Variants in MMP16 observed in about 807,000 individuals in gnomAD.
The protein encoded by MMP16 is matrix metalloproteinase-16.
In MMP16, 12 loss-of-function variants were observed where a neutral mutation model predicts 67.8. That is an observed-to-expected ratio of 0.18 (90% CI 0.11 to 0.29). The LOEUF is 0.29. Among genes scored for constraint, MMP16 ranks in the 10% least tolerant of loss-of-function variants. The pLI is 1.00. For synonymous variants in MMP16, 249 were observed against 255.9 expected, an observed-to-expected ratio of 0.97 and a Z score of 0.26; for missense variants, 475 against 765.7, an observed-to-expected ratio of 0.62 and a Z score of 4.48.
At chr8:88,203,072 C>T (rs1184500333) in intron 1 of MMP16, among the ~76,000 whole-genome samples, 2 of 150,696 alleles carry the variant, frequency 1.3e-5, no homozygotes, top group Admixed American at 6.6e-5. Flanking sequence ...CAAAATGTCC[C>T]ACTGAGATGA....
rs753339844 is a variant in MMP16 at position 88,167,677 on chromosome 8, T to C, written c.701A>G (p.Asn234Ser). ...SDEPWTLGNP[N>S]HDGNDLFLVA... ...AACAAACATGTACTTACCATCATGA[T>C]TAGGATTTCCTAGTGTCCATGGCTC... Residue 234 changes from asparagine to serine, a missense_variant, in exon 4 of 10, where the codon AAT becomes AGT. Around this residue, in one of 5 missense-constraint regions of MMP16, gnomAD observed 195 missense variants for 300.9 expected, o/e 0.65. Coordinates refer to ENST00000286614, the MANE Select transcript of MMP16 (RefSeq NM_005941.5). 6.2e-7 allele frequency: 1 copy of C among 1,608,628 alleles called. No homozygotes were observed. Among genetic ancestry groups the C allele is most frequent in the Non-Finnish European group, 8.5e-7 (1 of 1,177,004 alleles).
chr8:88,156,237 G>A (rs1296337356), intron 4 of MMP16, among the ~76,000 whole-genome samples: 1 of 151,814 alleles, frequency 6.6e-6, no homozygotes, highest in Admixed American at 6.6e-5. Context: ...TTAAAATCTG[G>A]AAAGCAAGCT....
intron 1 of MMP16, among the ~76,000 whole-genome samples, chr8:88,229,145 G>A (rs1009792487): frequency 2.6e-5 from 4 of 151,940 alleles, no homozygotes; most frequent in African/African-American, 9.7e-5. Context: ...AAATGCAAAG[G>A]AAGAAGATAA....
At chr8:88,318,198 T>G (rs2130081122) in intron 1 of MMP16, among the ~76,000 whole-genome samples, 1 of 152,310 alleles carries the variant, frequency 6.6e-6, no homozygotes, top group Non-Finnish European at 1.5e-5. Flanking sequence ...AACCAAATCT[T>G]CCTGAATACT....
chr8:88,325,156 GAAGA>G (rs978510311), intron 1 of MMP16, among the ~76,000 whole-genome samples: 9 of 152,062 alleles, frequency 5.9e-5, no homozygotes, highest in African/African-American at 1.7e-4. Flanking sequence ...ACATCTTAAT[GAAGA>G]AAGAGAAGGG....
At chr8:88,122,196 G>C (rs1479599611) in intron 4 of MMP16, among the ~76,000 whole-genome samples, 1 of 152,032 alleles carries the variant, frequency 6.6e-6, no homozygotes, top group African/African-American at 2.4e-5. Flanking sequence ...GTTTCCCCTA[G>C]TGTTGTAGCT....
chr8:88,116,410 C>CTGGGAAGGTA, intron 6 of MMP16, 97 bp downstream of exon 6: 1 of 1,041,592 alleles, frequency 9.6e-7, no homozygotes, highest in Non-Finnish European at 1.4e-6. Flanking sequence ...TGTGAGAGGG[C>CTGGGAAGGTA]TGGGAAGGTA....
chr8:88,104,850 A>G (rs1327835687), intron 6 of MMP16, among the ~76,000 whole-genome samples: 1 of 151,488 alleles, frequency 6.6e-6, no homozygotes, highest in East Asian at 1.9e-4. Flanking sequence ...TAGTTTTTTA[A>G]CAAAACAGTT....
At chr8:88,296,390 A>T (rs1035605890) in intron 1 of MMP16, among the ~76,000 whole-genome samples, 1 of 152,228 alleles carries the variant, frequency 6.6e-6, no homozygotes, top group Non-Finnish European at 1.5e-5. Context: ...TAATGAACAC[A>T]TCCATCGCCT....
chr8:88,136,882 C>A (rs1325654719), intron 4 of MMP16, among the ~76,000 whole-genome samples: 3 of 151,716 alleles, frequency 2.0e-5, no homozygotes, highest in Non-Finnish European at 2.9e-5. Context: ...TCACTCCCCA[C>A]CCCCTACTAA....
intron 7 of MMP16, among the ~76,000 whole-genome samples, chr8:88,066,128 T>C (rs1238316271): frequency 6.6e-6 from 1 of 152,154 alleles, no homozygotes; most frequent in Non-Finnish European, 1.5e-5. Flanking sequence ...TGATTTTATT[T>C]TGACTGTTAC....
chr8:88,110,653 C>T (rs1057445320), intron 6 of MMP16, among the ~76,000 whole-genome samples: 1 of 151,526 alleles, frequency 6.6e-6, no homozygotes, highest in Non-Finnish European at 1.5e-5. Context: ...AAACACTTTT[C>T]GGACTCTCTG....
intron 4 of MMP16, among the ~76,000 whole-genome samples, chr8:88,125,841 T>G (rs962822015): frequency 6.6e-6 from 1 of 151,930 alleles, no homozygotes. Context: ...CAACACTTTT[T>G]CCCTGGATAG....
chr8:88,046,997 C>T (rs1808207437), intron 8 of MMP16, among the ~76,000 whole-genome samples: 1 of 152,090 alleles, frequency 6.6e-6, no homozygotes. Flanking sequence ...TATTCTGTTT[C>T]TTCTCCTGCA....
intron 3 of MMP16, among the ~76,000 whole-genome samples, chr8:88,183,881 A>G (rs187335730): frequency 2.0e-4 from 30 of 150,926 alleles, no homozygotes; most frequent in Non-Finnish European, 3.8e-4. Flanking sequence ...ACTCCGAGCT[A>G]ATTTTTATTT....
chr8:88,088,060 T>G lies in MMP16; in HGVS notation c.1084-13317A>C, dbSNP rs60072294. Among the ~76,000 whole-genome samples the G allele has an allele frequency of 3.7e-3, 351 of 95,430 alleles. 4 individuals are homozygous for G. Among genetic ancestry groups the G allele is most frequent in the East Asian group, 0.018 (22 of 1,226 alleles). 62.6% of individuals were successfully genotyped at this position (95,430 alleles called of 152,430 possible). ...GATATATAGATATCTATTATATCTATATATAATAGATATCTATATATCTAT... is the reference window on the plus strand; with the variant it reads ...GATATATAGATATCTATTATATCTAGATATAATAGATATCTATATATCTAT... On this transcript the variant is annotated intron_variant, in intron 6 of 9. Coordinates refer to ENST00000286614, the MANE Select transcript of MMP16 (RefSeq NM_005941.5).
intron 1 of MMP16, among the ~76,000 whole-genome samples, chr8:88,212,888 T>C (rs1443042458): frequency 3.3e-5 from 5 of 152,186 alleles, no homozygotes; most frequent in Non-Finnish European, 7.4e-5. Flanking sequence ...TCTGTATGTT[T>C]AGATAAGAAA....
intron 3 of MMP16, among the ~76,000 whole-genome samples, chr8:88,176,283 G>A (rs958739901): frequency 3.3e-5 from 5 of 152,198 alleles, no homozygotes; most frequent in African/African-American, 9.7e-5. Context: ...AAAACTGGCT[G>A]AGGCCATTGT....
intron 6 of MMP16, among the ~76,000 whole-genome samples, chr8:88,091,893 G>A (rs973126574): frequency 2.6e-5 from 4 of 151,792 alleles, no homozygotes; most frequent in African/African-American, 9.7e-5. Flanking sequence ...ATACTGGGTA[G>A]CACGCAGAGT....
Sources: gnomAD v4.1 joint callset for allele counts (sites outside exome capture counted in the v4.1 genomes callset) on GRCh38, gnomAD v4.1.1 for gene constraint, gnomAD v4.1.1 regional missense constraint, MANE v1.5 for transcripts, NCBI Gene and HGNC (gene_info 2026-07-23, HGNC 2026-07-21) for gene names.